Variants in ALCAM observed in about 807,000 individuals in gnomAD.
ALCAM encodes the protein activated leukocyte cell adhesion molecule, also known as CD166 antigen.
Under a neutral mutation model 70.9 loss-of-function variants are expected in ALCAM, and 30 were observed. The ratio of observed to expected loss-of-function variants is 0.42; its 90% confidence interval spans 0.32 to 0.57. The LOEUF is 0.57. ALCAM is among the 20% of genes least tolerant of loss of function. The pLI is 0.11. For synonymous variants in ALCAM, 249 were observed against 242.5 expected, an observed-to-expected ratio of 1.03 and a Z score of -0.25; for missense variants, 591 against 695.1, an observed-to-expected ratio of 0.85 and a Z score of 1.68.
At chr3:105,432,769 T>C (rs1383583655) in intron 1 of ALCAM, among the ~76,000 whole-genome samples, 1 of 152,152 alleles carries the variant, frequency 6.6e-6, no homozygotes, top group African/African-American at 2.4e-5. Flanking sequence ...AGTTTTCTTT[T>C]GCATAATAGA....
chr3:105,514,324 A>G (rs1304519245), intron 1 of ALCAM, among the ~76,000 whole-genome samples: 1 of 151,972 alleles, frequency 6.6e-6, no homozygotes, highest in Admixed American at 6.6e-5. Flanking sequence ...GAATCTGAAC[A>G]GAGTAGATGG....
At chr3:105,571,626 AT>A (rs948000564) in intron 14 of ALCAM, among the ~76,000 whole-genome samples, 10 of 151,474 alleles carry the variant, frequency 6.6e-5, no homozygotes, top group African/African-American at 9.7e-5. Flanking sequence ...AAAATAATTG[AT>A]TTTTTTTTCT....
At chr3:105,452,738 T>A (rs1236287279) in intron 1 of ALCAM, among the ~76,000 whole-genome samples, 2 of 152,178 alleles carry the variant, frequency 1.3e-5, no homozygotes, top group African/African-American at 4.8e-5. Context: ...CAATATCCAC[T>A]GTTTCCTGAC....
At chr3:105,419,381 A>C (rs1936588359) in intron 1 of ALCAM, among the ~76,000 whole-genome samples, 1 of 151,888 alleles carries the variant, frequency 6.6e-6, no homozygotes, top group African/African-American at 2.4e-5. Flanking sequence ...TATATAAGAC[A>C]TAACTAATAA....
intron 1 of ALCAM, among the ~76,000 whole-genome samples, chr3:105,428,637 T>G (rs1165757415): frequency 6.6e-6 from 1 of 151,956 alleles, no homozygotes; most frequent in East Asian, 1.9e-4. Flanking sequence ...CAAAAGGTAA[T>G]TCAAGAACAC....
intron 1 of ALCAM, among the ~76,000 whole-genome samples, chr3:105,412,535 T>G (rs975671928): frequency 6.6e-6 from 1 of 152,142 alleles, no homozygotes; most frequent in Non-Finnish European, 1.5e-5. Context: ...ATTAATCTTG[T>G]ATTTGCACTT....
At chr3:105,431,315 C>T (rs962844537) in intron 1 of ALCAM, among the ~76,000 whole-genome samples, 1 of 152,096 alleles carries the variant, frequency 6.6e-6, no homozygotes, top group Non-Finnish European at 1.5e-5. Context: ...GCAGGGCTCA[C>T]TCATATGTGT....
intron 1 of ALCAM, among the ~76,000 whole-genome samples, chr3:105,427,461 C>G (rs1936818112): frequency 6.6e-6 from 1 of 151,858 alleles, no homozygotes; most frequent in South Asian, 2.1e-4. Flanking sequence ...ACTTCTGGCC[C>G]CCTGTCCCCA....
chr3:105,539,295 T>C (rs1391604573), intron 6 of ALCAM, among the ~76,000 whole-genome samples: 2 of 152,256 alleles, frequency 1.3e-5, no homozygotes, highest in South Asian at 2.1e-4. Context: ...ATTAGCATTC[T>C]ACTATTGAGT....
At chr3:105,559,180 T>A (rs1483616673) in intron 14 of ALCAM, among the ~76,000 whole-genome samples, 1 of 148,200 alleles carries the variant, frequency 6.7e-6, no homozygotes, top group East Asian at 1.9e-4. Context: ...ATATATTATA[T>A]ATACATGTAT....
intron 1 of ALCAM, among the ~76,000 whole-genome samples, chr3:105,458,943 C>A (rs868086183): frequency 2.1e-4 from 32 of 152,278 alleles, no homozygotes; most frequent in South Asian, 1.2e-3. Context: ...AAATGCAAAT[C>A]TTTCTATAAA....
chr3:105,483,639 C>T (rs1349653253), intron 1 of ALCAM, among the ~76,000 whole-genome samples: 1 of 151,940 alleles, frequency 6.6e-6, no homozygotes, highest in African/African-American at 2.4e-5. Flanking sequence ...AGGAGTGTTG[C>T]CAAAGCTGGA....
intron 1 of ALCAM, among the ~76,000 whole-genome samples, chr3:105,418,788 A>T (rs892681584): frequency 6.6e-6 from 1 of 151,770 alleles, no homozygotes; most frequent in African/African-American, 2.4e-5. Context: ...CTTCAATTTT[A>T]TCTTCAGGTT....
chr3:105,492,186 G>A (rs147547776), intron 1 of ALCAM, among the ~76,000 whole-genome samples: 184 of 152,152 alleles, frequency 1.2e-3, no homozygotes, highest in African/African-American at 3.6e-3. Flanking sequence ...TAAAAGCATC[G>A]GACCTCATGA....
chr3:105,407,153 G>A (rs4426702), intron 1 of ALCAM, among the ~76,000 whole-genome samples: 104,544 of 151,938 alleles, frequency 0.69, 36,266 homozygotes, highest in East Asian at 0.92. Context: ...CAATCCTAAT[G>A]ACACTATTCC....
At chr3:105,461,063 A>C (rs145146628) in intron 1 of ALCAM, among the ~76,000 whole-genome samples, 6 of 150,432 alleles carry the variant, frequency 4.0e-5, no homozygotes, top group Admixed American at 1.3e-4. Flanking sequence ...ATGTATTACT[A>C]TGAAGTATAA....
rs1940923146 is a variant in ALCAM, at chr3:105,574,623, A to C, written c.*172A>C. The C allele has an allele frequency of 6.6e-6, 1 of 152,596 alleles. No individual in the cohort carries two copies. The highest frequency in any genetic ancestry group is 1.5e-5 in the Non-Finnish European group (1 of 68,032). 9.5% of individuals were successfully genotyped at this position (152,596 alleles called of 1,614,324 possible). On this transcript the variant is annotated 3_prime_UTR_variant, in exon 16 of 16. Transcript: ENST00000306107. ...GGTTTTCAGAGAATTATCTCAAGTA[A>C]AACAAATGAAATTTAATTACAAACA...
At chr3:105,444,145 G>A (rs987655431) in intron 1 of ALCAM, among the ~76,000 whole-genome samples, 14 of 152,034 alleles carry the variant, frequency 9.2e-5, no homozygotes, top group Admixed American at 2.0e-4. Context: ...CACTGGTATT[G>A]CAATTCATTT....
intron 1 of ALCAM, among the ~76,000 whole-genome samples, chr3:105,420,649 C>G (rs1936625662): frequency 1.3e-5 from 2 of 151,656 alleles, no homozygotes; most frequent in African/African-American, 4.8e-5. Context: ...GTTCAGCCAC[C>G]ATTTAGAGAA....
Sources: gnomAD v4.1 joint callset for allele counts (sites outside exome capture counted in the v4.1 genomes callset) on GRCh38, gnomAD v4.1.1 for gene constraint, MANE v1.5 for transcripts, NCBI Gene and HGNC (gene_info 2026-07-23, HGNC 2026-07-21) for gene names.